LTAP1: variants seen among roughly 807,000 people sequenced by gnomAD.
LTAP1 encodes the protein HCV NS5A-transactivated protein 4.
chr1:154,216,332 A>T, the LTAP1 span, among the ~76,000 whole-genome samples: 2 of 107,746 alleles, frequency 1.9e-5, no homozygotes, highest in African/African-American at 6.1e-5. Context: ...AACTTGTTTA[A>T]AAAAAAAATT....
At chr1:154,214,065 G>A in the LTAP1 span, 7 of 860,988 alleles carry the variant, frequency 8.1e-6, no homozygotes, top group African/African-American at 1.2e-4. Context: ...ATCACCTGAG[G>A]TCAGGAGTTT....
chr1:154,207,671 C>T, the LTAP1 span: 1 of 1,566,136 alleles, frequency 6.4e-7, no homozygotes, highest in South Asian at 1.2e-5. Context: ...GAGGGGAGGT[C>T]ATTGACAGAA....
the LTAP1 span, chr1:154,212,758 T>C: frequency 1.1e-6 from 1 of 893,244 alleles, no homozygotes; most frequent in South Asian, 1.6e-5. Flanking sequence ...ACCTCCTAGG[T>C]TTGAGCAATT....
the LTAP1 span, chr1:154,212,361 C>T: frequency 2.5e-6 from 4 of 1,614,164 alleles, no homozygotes; most frequent in Non-Finnish European, 3.4e-6. Flanking sequence ...AGCGTAGGTA[C>T]TCATTCTGGC....
At chr1:154,216,132 C>T in the LTAP1 span, among the ~76,000 whole-genome samples, 7,825 of 151,922 alleles carry the variant, frequency 0.052, 698 homozygotes, top group African/African-American at 0.18. Context: ...CCACCGCGCC[C>T]GGCCCTACCA....
chr1:154,214,585 A>G, the LTAP1 span: 2 of 1,546,428 alleles, frequency 1.3e-6, no homozygotes, highest in Non-Finnish European at 1.8e-6. Flanking sequence ...CTGTTCACAT[A>G]AAAAAAGAAT....
chr1:154,207,193 G>C, the LTAP1 span: 3 of 372,132 alleles, frequency 8.1e-6, no homozygotes, highest in Admixed American at 8.7e-5. Flanking sequence ...GAAACATTAA[G>C]AATAACACCT....
At chr1:154,214,628 C>A in the LTAP1 span, 2 of 1,168,202 alleles carry the variant, frequency 1.7e-6, no homozygotes, top group South Asian at 2.6e-5. Flanking sequence ...CTGCTTTCCA[C>A]CAATGTGAAA....
the LTAP1 span, among the ~76,000 whole-genome samples, chr1:154,208,026 A>G: frequency 6.6e-6 from 1 of 152,096 alleles, no homozygotes; most frequent in South Asian, 2.1e-4. Context: ...ACTTGAACCC[A>G]GGAGGCAGAG....
At chr1:154,217,805 C>G in the LTAP1 span, among the ~76,000 whole-genome samples, 1 of 152,024 alleles carries the variant, frequency 6.6e-6, no homozygotes, top group Non-Finnish European at 1.5e-5. Flanking sequence ...CTACCATGCC[C>G]GGCCCACTCA....
chr1:154,213,905 T>C, the LTAP1 span: 1 of 1,613,144 alleles, frequency 6.2e-7, no homozygotes, highest in Middle Eastern at 1.7e-4. Context: ...GAGGTACGAA[T>C]GGCATCCAGA....
At chr1:154,219,571 T>A in the LTAP1 span, among the ~76,000 whole-genome samples, 1 of 152,192 alleles carries the variant, frequency 6.6e-6, no homozygotes, top group Non-Finnish European at 1.5e-5. Context: ...AATATTTTAC[T>A]ACAAACAGTT....
At chr1:154,219,396 G>T in the LTAP1 span, among the ~76,000 whole-genome samples, 2 of 152,102 alleles carry the variant, frequency 1.3e-5, no homozygotes, top group African/African-American at 4.8e-5. Flanking sequence ...CCTTTTCTTG[G>T]GCTTCTTGGT....
chr1:154,217,532 T>C, the LTAP1 span, among the ~76,000 whole-genome samples: 1 of 152,070 alleles, frequency 6.6e-6, no homozygotes, highest in African/African-American at 2.4e-5. Flanking sequence ...TCACTCAGCA[T>C]GGTTTTTTTG....
At chr1:154,215,527 C>G in the LTAP1 span, among the ~76,000 whole-genome samples, 1 of 150,094 alleles carries the variant, frequency 6.7e-6, no homozygotes, top group Non-Finnish European at 1.5e-5. Context: ...GATTGCGCCA[C>G]TGCACTCCAG....
At chr1:154,213,699 C>T in the LTAP1 span, among the ~76,000 whole-genome samples, 1 of 152,200 alleles carries the variant, frequency 6.6e-6, no homozygotes, top group Non-Finnish European at 1.5e-5. Context: ...AACACCCAGA[C>T]TCTTTGGAGA....
At chr1:154,208,356 C>T in the LTAP1 span, 1 of 153,106 alleles carries the variant, frequency 6.5e-6, no homozygotes, top group Admixed American at 6.6e-5. Context: ...GAATGTGCCA[C>T]TGCACTCCAG....
the LTAP1 span, chr1:154,207,746 T>C: frequency 1.6e-5 from 16 of 984,926 alleles, no homozygotes; most frequent in Non-Finnish European, 2.3e-5. Flanking sequence ...TCACAAATAG[T>C]TATTTGTGTC....
chr1:154,208,885 T>C, the LTAP1 span, among the ~76,000 whole-genome samples: 331 of 152,228 alleles, frequency 2.2e-3, 4 homozygotes, highest in Admixed American at 3.1e-3. Flanking sequence ...TAGCTGGGGA[T>C]TGCAGGTGCA....
Sources: gnomAD v4.1 joint callset for allele counts (sites outside exome capture counted in the v4.1 genomes callset) on GRCh38, gnomAD v4.1.1 for gene constraint, MANE v1.5 for transcripts, NCBI Gene and HGNC (gene_info 2026-07-23, HGNC 2026-07-21) for gene names.